The following TRMT11 variants were observed in gnomAD, a reference collection of about 807,000 sequenced individuals.
TRMT11 encodes tRNA methyltransferase 11, also known as tRNA (guanine(10)-N(2))-methyltransferase TRMT11.
TRMT11 carries 53 observed loss-of-function variants against 62.8 expected under a neutral mutation model. The ratio of observed to expected loss-of-function variants is 0.84; its 90% CI spans 0.68 to 1.06. The LOEUF (loss-of-function observed/expected upper bound fraction) is 1.06. TRMT11 is among the 50% of genes least tolerant of loss of function. TRMT11 has a pLI of 0.00. For missense variants in TRMT11, 556 were observed against 553.4 expected (o/e 1.00, Z -0.05); for synonymous variants, 188 against 190.3 (o/e 0.99, Z 0.10).
At chr6:126,207,285 G>A (rs1778799685), downstream of TRMT11, among the ~76,000 whole-genome samples, 1 of 152,142 alleles carries the variant, frequency 6.6e-6, no homozygotes, top group African/African-American at 2.4e-5. Flanking sequence ...GAATATGAAG[G>A]GGTATTGTCC....
intron 1 of TRMT11, among the ~76,000 whole-genome samples, chr6:126,189,339 A>G (rs1725232014): frequency 6.6e-6 from 1 of 152,126 alleles, no homozygotes; most frequent in South Asian, 2.1e-4. Flanking sequence ...ACTAAATTGC[A>G]GCTCATATTA....
intron 7 of TRMT11, 98 bp from the exon 8 acceptor site, chr6:126,008,294 T>C: frequency 1.0e-6 from 1 of 998,062 alleles, no homozygotes; most frequent in South Asian, 1.3e-5. Flanking sequence ...CAGGATACTC[T>C]GCCTGCAGCT....
intron 21 of TRMT11, among the ~76,000 whole-genome samples, chr6:126,162,748 T>C (rs1208777237): frequency 2.0e-5 from 3 of 152,286 alleles, no homozygotes; most frequent in Non-Finnish European, 2.9e-5. Context: ...TGAGCAGTGG[T>C]TTGTAGTATT....
At chr6:126,014,156 G>A (rs987129558) in intron 11 of TRMT11, among the ~76,000 whole-genome samples, 3 of 152,150 alleles carry the variant, frequency 2.0e-5, no homozygotes, top group African/African-American at 4.8e-5. Flanking sequence ...AATTTGAAAG[G>A]TATTGCCAAG....
At chr6:126,076,497 A>G (rs777153899) in intron 17 of TRMT11, among the ~76,000 whole-genome samples, 1 of 152,220 alleles carries the variant, frequency 6.6e-6, no homozygotes, top group Non-Finnish European at 1.5e-5. Flanking sequence ...GACTTCCTCA[A>G]TTATGCCAGC....
chr6:126,260,648 C>G, the TRMT11 span, among the ~76,000 whole-genome samples: 1 of 152,138 alleles, frequency 6.6e-6, no homozygotes, highest in Non-Finnish European at 1.5e-5. Flanking sequence ...CTTTGTTTTT[C>G]TGTAAAGGTC....
At chr6:126,255,289 CTCTT>C in the TRMT11 span, among the ~76,000 whole-genome samples, 1 of 152,206 alleles carries the variant, frequency 6.6e-6, no homozygotes, top group African/African-American at 2.4e-5. Flanking sequence ...ATCACAGGCT[CTCTT>C]TAGCACTTCG....
At chr6:126,145,114 C>T (rs1424928955) in intron 21 of TRMT11, among the ~76,000 whole-genome samples, 1 of 152,112 alleles carries the variant, frequency 6.6e-6, no homozygotes, top group African/African-American at 2.4e-5. Context: ...AAAGAAATAT[C>T]ATTTACTAAG....
rs546555223 is a variant in TRMT11 at position 126,168,138 on chromosome 6, T to C, written c.*1824-6687T>C. Among the ~76,000 whole-genome samples the C allele has an allele frequency of 6.6e-5, 10 of 152,334 alleles. No homozygotes were observed. In the East Asian group the frequency reaches 1.9e-3, roughly 29 times the overall value. On this transcript the variant is annotated intron_variant and NMD_transcript_variant, in intron 21 of 22. Coordinates refer to the TRMT11 transcript ENST00000648977. ...TGGTTATCATATTAAGAAACACATT[T>C]CTTTTTATCAGTGAATATTAATGCT...
the TRMT11 span, among the ~76,000 whole-genome samples, chr6:126,245,343 G>A: frequency 1.3e-5 from 2 of 152,180 alleles, no homozygotes; most frequent in Non-Finnish European, 2.9e-5. Context: ...ATATGGTGAT[G>A]GGAGAAACTT....
At chr6:126,242,167 G>A in the TRMT11 span, among the ~76,000 whole-genome samples, 3 of 152,168 alleles carry the variant, frequency 2.0e-5, no homozygotes, top group African/African-American at 7.2e-5. Context: ...CAAATCATGA[G>A]TGAACTCCCA....
intron 21 of TRMT11, among the ~76,000 whole-genome samples, chr6:126,136,700 A>G (rs1777853833): frequency 6.6e-6 from 1 of 151,984 alleles, no homozygotes; most frequent in South Asian, 2.1e-4. Flanking sequence ...AAAAGAACAA[A>G]GCTGGAAACA....
chr6:126,252,931 C>T, the TRMT11 span, among the ~76,000 whole-genome samples: 3 of 152,108 alleles, frequency 2.0e-5, no homozygotes, highest in Non-Finnish European at 4.4e-5. Flanking sequence ...GATTGAATTC[C>T]TCCTGTGTTC....
intron 1 of TRMT11, among the ~76,000 whole-genome samples, chr6:126,188,008 A>T (rs558961095): frequency 6.6e-6 from 1 of 151,810 alleles, no homozygotes; most frequent in Non-Finnish European, 1.5e-5. Flanking sequence ...GAACCATAAA[A>T]TGTCTACAGA....
intron 21 of TRMT11, among the ~76,000 whole-genome samples, chr6:126,168,628 C>T (rs1380633770): frequency 6.6e-6 from 1 of 152,174 alleles, no homozygotes; most frequent in Non-Finnish European, 1.5e-5. Flanking sequence ...AAGCGATTCT[C>T]CTGCCTCAGC....
At chr6:126,149,362 C>T (rs1304769442) in intron 21 of TRMT11, among the ~76,000 whole-genome samples, 1 of 152,166 alleles carries the variant, frequency 6.6e-6, no homozygotes, top group Non-Finnish European at 1.5e-5. Context: ...TGATAAGGAA[C>T]ATTCTCTTTA....
At chr6:126,224,738 A>AC in the TRMT11 span, among the ~76,000 whole-genome samples, 104 of 152,290 alleles carry the variant, frequency 6.8e-4, no homozygotes, top group Non-Finnish European at 1.0e-3. Flanking sequence ...GCAGTGAAAG[A>AC]ATGACAGGTT....
intron 1 of TRMT11, among the ~76,000 whole-genome samples, chr6:125,988,024 T>C (rs1457786815): frequency 1.3e-5 from 2 of 152,186 alleles, no homozygotes; most frequent in African/African-American, 4.8e-5. Flanking sequence ...CAAGTATAGA[T>C]GCTTGGAAGC....
chr6:126,260,686 T>C, the TRMT11 span, among the ~76,000 whole-genome samples: 1 of 152,224 alleles, frequency 6.6e-6, no homozygotes, highest in Admixed American at 6.5e-5. Context: ...TCTGAATAGT[T>C]GTGTTGGATA....
Sources: allele counts gnomAD v4.1 joint callset (sites outside exome capture counted in the v4.1 genomes callset), GRCh38; gene constraint gnomAD v4.1.1; transcripts MANE v1.5; gene names NCBI Gene and HGNC (gene_info 2026-07-23, HGNC 2026-07-21).